PRIM2: variants seen among roughly 807,000 people sequenced by gnomAD.
PRIM2 encodes the protein DNA primase large subunit.
PRIM2 carries 39 observed loss-of-function variants against 67.3 expected under a neutral mutation model. The ratio of observed to expected loss-of-function variants is 0.58; its 90% CI spans 0.45 to 0.76. PRIM2 has a LOEUF of 0.76. Among genes scored for constraint, PRIM2 ranks in the 30% least tolerant of loss-of-function variants. The pLI is 0.00. For synonymous variants in PRIM2, 143 were observed against 198.7 expected, an observed-to-expected ratio of 0.72 and a Z score of 2.36; for missense variants, 398 against 598.7, an observed-to-expected ratio of 0.66 and a Z score of 3.50.
chr6:57,304,058 A>G, the PRIM2 span, among the ~76,000 whole-genome samples: 1 of 152,222 alleles, frequency 6.6e-6, no homozygotes, highest in African/African-American at 2.4e-5. Flanking sequence ...ATCTATGCTT[A>G]CCAGTACATT....
At chr6:57,277,246 A>G in the PRIM2 span, among the ~76,000 whole-genome samples, 2 of 152,154 alleles carry the variant, frequency 1.3e-5, no homozygotes, top group African/African-American at 4.8e-5. Context: ...TTCAATGTAT[A>G]TTTATGTGCT....
chr6:57,582,632 T>C (rs1307515594), intron 10 of PRIM2, among the ~76,000 whole-genome samples: 1 of 152,128 alleles, frequency 6.6e-6, no homozygotes, highest in Non-Finnish European at 1.5e-5. Context: ...CAGAAACACT[T>C]TGTTTAACCG....
the PRIM2 span, among the ~76,000 whole-genome samples, chr6:57,236,350 A>ATTATTC: frequency 6.8e-6 from 1 of 147,894 alleles, no homozygotes; most frequent in Non-Finnish European, 1.5e-5. Flanking sequence ...TATTATTATT[A>ATTATTC]TTATTTGCCT....
the PRIM2 span, among the ~76,000 whole-genome samples, chr6:57,298,191 C>T: frequency 6.6e-5 from 10 of 152,182 alleles, no homozygotes; most frequent in Middle Eastern, 3.4e-3. Flanking sequence ...GAAACCCCGT[C>T]TCTACTAAAG....
intron 7 of PRIM2, among the ~76,000 whole-genome samples, chr6:57,492,477 A>C (rs1773917711): frequency 6.6e-6 from 1 of 151,886 alleles, no homozygotes; most frequent in Admixed American, 6.6e-5. Context: ...CAGGAGGCGG[A>C]GGCTGCAGTG....
chr6:57,496,069 T>A (rs1773997875), intron 7 of PRIM2, among the ~76,000 whole-genome samples: 1 of 152,166 alleles, frequency 6.6e-6, no homozygotes, highest in Admixed American at 6.5e-5. Context: ...TTTATAGCCA[T>A]TCCCAAATGT....
chr6:57,406,286 T>C (rs1216382270), intron 7 of PRIM2, among the ~76,000 whole-genome samples: 3 of 152,206 alleles, frequency 2.0e-5, no homozygotes, highest in Non-Finnish European at 4.4e-5. Context: ...TCTTCCTGCC[T>C]GCTCCATTCA....
At chr6:57,573,605 A>C (rs1775902787) in intron 10 of PRIM2, among the ~76,000 whole-genome samples, 1 of 152,192 alleles carries the variant, frequency 6.6e-6, no homozygotes, top group South Asian at 2.1e-4. Flanking sequence ...GATCACTCAT[A>C]TAAGCTTTTA....
At chr6:57,351,287 A>G (rs1289309785) in intron 5 of PRIM2, among the ~76,000 whole-genome samples, 3 of 151,938 alleles carry the variant, frequency 2.0e-5, no homozygotes, top group Non-Finnish European at 4.4e-5. Flanking sequence ...TGTCATGTTG[A>G]TGCTCAAAAA....
chr6:57,450,059 A>C (rs1772492074), intron 7 of PRIM2, among the ~76,000 whole-genome samples: 2 of 152,168 alleles, frequency 1.3e-5, no homozygotes, highest in Non-Finnish European at 2.9e-5. Flanking sequence ...AAAGGTGAAA[A>C]TTTATACAAT....
intron 7 of PRIM2, among the ~76,000 whole-genome samples, chr6:57,446,914 G>T (rs1772386869): frequency 6.6e-6 from 1 of 152,280 alleles, no homozygotes; most frequent in Middle Eastern, 3.4e-3. Context: ...TGTTGGTCCA[G>T]ATCTGGGTAC....
chr6:57,606,719 T>A (rs1381712835), intron 12 of PRIM2, among the ~76,000 whole-genome samples: 2 of 152,254 alleles, frequency 1.3e-5, no homozygotes, highest in African/African-American at 4.8e-5. Context: ...CACCTCAGTT[T>A]GTTTTACTAT....
At chr6:57,284,422 T>C in the PRIM2 span, among the ~76,000 whole-genome samples, 49 of 152,334 alleles carry the variant, frequency 3.2e-4, no homozygotes, top group African/African-American at 1.1e-3. Flanking sequence ...GTTCTGATCT[T>C]AAACAGTTTT....
intron 7 of PRIM2, among the ~76,000 whole-genome samples, chr6:57,475,195 T>A (rs1773446960): frequency 6.6e-6 from 1 of 152,194 alleles, no homozygotes; most frequent in Admixed American, 6.5e-5. Flanking sequence ...CCTACAACTT[T>A]TTTGTAATCA....
At chr6:57,224,315 T>C in the PRIM2 span, among the ~76,000 whole-genome samples, 2 of 152,166 alleles carry the variant, frequency 1.3e-5, no homozygotes, top group African/African-American at 4.8e-5. Context: ...TGGATGAAGC[T>C]TGAAGACATT....
chr6:57,254,132 A>C, the PRIM2 span, among the ~76,000 whole-genome samples: 1 of 152,138 alleles, frequency 6.6e-6, no homozygotes, highest in South Asian at 2.1e-4. Context: ...TAGAGCCTAG[A>C]ATTTCATTTC....
intron 5 of PRIM2, among the ~76,000 whole-genome samples, chr6:57,337,154 A>G (rs1468899093): frequency 2.6e-5 from 4 of 152,244 alleles, no homozygotes; most frequent in Non-Finnish European, 4.4e-5. Context: ...CAATAAGAAG[A>G]GCTAACTATC....
chr6:57,477,188 C>T (rs1490030421), intron 7 of PRIM2, among the ~76,000 whole-genome samples: 86 of 152,174 alleles, frequency 5.7e-4, no homozygotes, highest in African/African-American at 2.0e-3. Context: ...GAAACAGAGT[C>T]TCCTATGTTG....
chr6:57,480,312 T>C (rs1773583681), intron 7 of PRIM2, among the ~76,000 whole-genome samples: 1 of 152,208 alleles, frequency 6.6e-6, no homozygotes, highest in Non-Finnish European at 1.5e-5. Context: ...CAGTTTTACA[T>C]ACACAGGAAG....
Sources: allele counts gnomAD v4.1 joint callset (sites outside exome capture counted in the v4.1 genomes callset), GRCh38; gene constraint gnomAD v4.1.1; transcripts MANE v1.5; gene names NCBI Gene and HGNC (gene_info 2026-07-23, HGNC 2026-07-21).